Variants in CHKA observed in about 807,000 individuals in gnomAD.
The protein encoded by CHKA is CHETK-alpha.
A neutral mutation model predicts 60.1 loss-of-function variants in CHKA; 34 were observed. That is an observed-to-expected ratio of 0.57 (90% CI 0.43 to 0.75). The LOEUF is 0.75. CHKA is among the 30% of genes least tolerant of loss of function. The pLI, the probability that CHKA is intolerant of heterozygous loss-of-function variation, is 0.00. For synonymous variants in CHKA, 217 were observed against 223.1 expected (o/e 0.97, Z 0.24); for missense variants, 563 against 561.3 (o/e 1.00, Z -0.03).
intron 2 of CHKA, among the ~76,000 whole-genome samples, chr11:68,092,162 G>C (rs1359229068): frequency 6.6e-6 from 1 of 152,144 alleles, no homozygotes; most frequent in Non-Finnish European, 1.5e-5. Context: ...AAGAAGGAAA[G>C]CAGAAGACTT....
chr11:68,119,244 T>C (rs1858511828), intron 1 of CHKA, among the ~76,000 whole-genome samples: 4 of 152,208 alleles, frequency 2.6e-5, no homozygotes, highest in Admixed American at 2.6e-4. Flanking sequence ...CTCTCACTCT[T>C]AGCTCATAAG....
At chr11:68,098,284 A>AG (rs1302201997) in intron 1 of CHKA, among the ~76,000 whole-genome samples, 24 of 151,632 alleles carry the variant, frequency 1.6e-4, no homozygotes, top group Admixed American at 5.3e-4. Flanking sequence ...AAAAAAAAAA[A>AG]AAAAAAAAGA....
intron 2 of CHKA, among the ~76,000 whole-genome samples, chr11:68,084,265 CATATATACGTATATATACACAT>C (rs1241504210): frequency 7.0e-6 from 1 of 143,848 alleles, no homozygotes; most frequent in Non-Finnish European, 1.5e-5. Context: ...AAAAAAAATA[CATATATACGTATATATACACAT>C]ATATATACGT....
rs1230115854 is a variant in CHKA at position 68,120,999 on chromosome 11, G to A, written c.179C>T (p.Pro60Leu). The change falls in exon 1 of 12, where the codon CCG (proline) becomes CTG (leucine). Residue 60 changes from proline (P) to leucine (L), a missense_variant. Coordinates refer to ENST00000265689, the MANE Select transcript of CHKA (RefSeq NM_001277.3). ...GQQPPLALPP[P>L]PPLPLPLPLP... Reference sequence around the variant, plus strand: ...CGGCAGCGGCAGCGGCAGCGGCGGCGGAGGGGGCAGCGCGAGCGGCGGCTG... The same window carrying A: ...CGGCAGCGGCAGCGGCAGCGGCGGCAGAGGGGGCAGCGCGAGCGGCGGCTG... 1.8e-6 allele frequency: 2 copies of A among 1,119,472 alleles called. No individual in the cohort carries two copies. Among genetic ancestry groups the A allele is most frequent in the South Asian group, 4.3e-5 (1 of 23,414 alleles). 69.3% of individuals were successfully genotyped at this position (1,119,472 alleles called of 1,614,324 possible).
At chr11:68,084,121 C>T (rs1442639789) in intron 2 of CHKA, among the ~76,000 whole-genome samples, 1 of 151,188 alleles carries the variant, frequency 6.6e-6, no homozygotes, top group East Asian at 1.9e-4. Flanking sequence ...GTGGCGCATG[C>T]CTGTAATCCC....
intron 1 of CHKA, among the ~76,000 whole-genome samples, chr11:68,109,822 C>T (rs1858066389): frequency 6.6e-6 from 1 of 152,058 alleles, no homozygotes; most frequent in Non-Finnish European, 1.5e-5. Flanking sequence ...TGTGATGGTG[C>T]ACACCTGTAA....
intron 1 of CHKA, 149 bp downstream of exon 1, chr11:68,120,679 G>C (rs1356404050): frequency 7.3e-6 from 2 of 274,876 alleles, no homozygotes; most frequent in Non-Finnish European, 1.2e-5. Context: ...GGCTTTCGCC[G>C]GCTGCGGTCC....
intron 3 of CHKA, among the ~76,000 whole-genome samples, chr11:68,079,164 C>A (rs1022055470): frequency 2.0e-5 from 3 of 152,060 alleles, no homozygotes; most frequent in Non-Finnish European, 4.4e-5. Context: ...AAACTTGTGA[C>A]CCCAAGTGAT....
chr11:68,108,508 G>C (rs1858002587), intron 1 of CHKA, among the ~76,000 whole-genome samples: 1 of 152,196 alleles, frequency 6.6e-6, no homozygotes, highest in Non-Finnish European at 1.5e-5. Flanking sequence ...ACTTTGGGAG[G>C]CCAAGGCGGG....
chr11:68,114,919 T>C (rs775963482), intron 1 of CHKA, among the ~76,000 whole-genome samples: 1 of 152,086 alleles, frequency 6.6e-6, no homozygotes, highest in Non-Finnish European at 1.5e-5. Flanking sequence ...AGAGGATTTC[T>C]AGGGCAGTGA....
chr11:68,089,558 C>T lies in CHKA; in HGVS notation c.462+7461G>A, dbSNP rs538591903. Among the ~76,000 whole-genome samples, 94 of 152,194 alleles carry T rather than the reference C, an allele frequency of 6.2e-4. 1 individual carries two copies. The highest frequency in any genetic ancestry group is 9.3e-4 in the Non-Finnish European group (63 of 68,004). ...TGAGGCCCATAAATTTCTAAAATTC[C>T]TAAATGTTTGTCATTTTCTACTGAG... On this transcript the variant is annotated intron_variant, in intron 2 of 11. Transcript: ENST00000265689.
intron 10 of CHKA, among the ~76,000 whole-genome samples, chr11:68,063,889 G>A (rs558160465): frequency 1.8e-4 from 28 of 152,264 alleles, no homozygotes; most frequent in African/African-American, 6.7e-4. Context: ...TGATTGTTAA[G>A]TTTCCTGAGG....
rs528403068 is a variant in CHKA at position 68,061,862 on chromosome 11, C to G, written c.1314+91G>C. ...GAGACAGAGAACCCTCTGTAAGGAACAGTCATTTGCTGCCAACATTCACAA... is the reference window on the plus strand; with the variant it reads ...GAGACAGAGAACCCTCTGTAAGGAAGAGTCATTTGCTGCCAACATTCACAA... On this transcript the variant is annotated intron_variant, in intron 11 of 11. Transcript: ENST00000265689. 1.0e-4 allele frequency: 92 copies of G among 908,272 alleles called. No homozygotes were observed. The South Asian group carries it at 1.2e-3, about 12-fold the overall frequency. The allele number at this position is 908,272 out of a possible 1,614,324, so 56.3% of individuals were successfully genotyped here.
Position 68,115,516 on chromosome 11 carries a change from T to C in CHKA, c.350+5312A>G, listed in dbSNP as rs943716339. On this transcript the variant is annotated intron_variant, in intron 1 of 11. Coordinates refer to ENST00000265689, the MANE Select transcript of CHKA (RefSeq NM_001277.3). ...CAGGGGGTTATATGGGAACTCTCTG[T>C]ACTATCTGCTCAATTTTGCTGTGAA... Among the ~76,000 whole-genome samples, 19 of 152,280 alleles carry C rather than the reference T, an allele frequency of 1.2e-4. No homozygotes were observed. In the East Asian group the frequency reaches 3.7e-3, roughly 29 times the overall value.
chr11:68,084,756 C>T (rs552979615), intron 2 of CHKA, among the ~76,000 whole-genome samples: 1 of 151,772 alleles, frequency 6.6e-6, no homozygotes, highest in African/African-American at 2.4e-5. Flanking sequence ...AATATAACAT[C>T]TGGAATTTGC....
At chr11:68,062,523 G>C (rs1360456625) in intron 10 of CHKA, among the ~76,000 whole-genome samples, 2 of 152,312 alleles carry the variant, frequency 1.3e-5, no homozygotes, top group East Asian at 1.9e-4. Flanking sequence ...CTGTCACACA[G>C]AAGTGAAAAG....
chr11:68,064,664 A>G (rs755464872), intron 9 of CHKA, 33 bp from the exon 10 acceptor site: 3 of 1,269,724 alleles, frequency 2.4e-6, no homozygotes, highest in Admixed American at 4.2e-5. Flanking sequence ...AGGATCAATG[A>G]TGGTTAAAAT....
At chr11:68,066,568 T>C in intron 7 of CHKA, 52 bp from the exon 8 acceptor site, 1 of 1,363,258 alleles carries the variant, frequency 7.3e-7, no homozygotes, top group South Asian at 1.2e-5. Context: ...AAGGCTCAAG[T>C]CCTTGAACAG....
chr11:68,075,395 C>T (rs1270699888), intron 3 of CHKA, among the ~76,000 whole-genome samples: 1 of 151,934 alleles, frequency 6.6e-6, no homozygotes, highest in Non-Finnish European at 1.5e-5. Flanking sequence ...TCAGTTGGCA[C>T]ACCCGACCTT....
Sources: gnomAD v4.1 joint callset for allele counts (sites outside exome capture counted in the v4.1 genomes callset) on GRCh38, gnomAD v4.1.1 for gene constraint, MANE v1.5 for transcripts, NCBI Gene and HGNC (gene_info 2026-07-23, HGNC 2026-07-21) for gene names.